The following SGCZ variants were observed in gnomAD, a reference collection of about 807,000 sequenced individuals.
SGCZ encodes zeta-sarcoglycan.
A neutral mutation model predicts 41.3 loss-of-function variants in SGCZ; 40 were observed. The observed-to-expected ratio is 0.97, with a 90% CI of 0.75 to 1.26. The LOEUF is 1.26. SGCZ is among the 50% of genes most tolerant of loss of function. The pLI is 0.00. For synonymous variants in SGCZ, 206 were observed against 137.5 expected, an observed-to-expected ratio of 1.50 and a Z score of -3.49; for missense variants, 552 against 369.8, an observed-to-expected ratio of 1.49 and a Z score of -4.04.
intron 1 of SGCZ, among the ~76,000 whole-genome samples, chr8:14,909,740 T>C (rs1799229165): frequency 6.6e-6 from 1 of 152,142 alleles, no homozygotes; most frequent in African/African-American, 2.4e-5. Context: ...GAGATGTTTA[T>C]TCAGCTATTT....
intron 3 of SGCZ, chr8:14,319,546 A>G (rs1248862947): frequency 6.6e-6 from 1 of 152,024 alleles, no homozygotes; most frequent in South Asian, 2.1e-4. Context: ...AATCAAAACT[A>G]GCAAACAAAA....
intron 1 of SGCZ, among the ~76,000 whole-genome samples, chr8:15,110,962 T>G (rs1481494068): frequency 6.6e-6 from 1 of 151,972 alleles, no homozygotes; most frequent in Non-Finnish European, 1.5e-5. Flanking sequence ...AAAGTGAAAC[T>G]CCATCTCAAA....
At chr8:15,169,212 G>A (rs895569296) in intron 1 of SGCZ, among the ~76,000 whole-genome samples, 11 of 152,218 alleles carry the variant, frequency 7.2e-5, no homozygotes, top group Admixed American at 2.6e-4. Flanking sequence ...ATTGGTCTTC[G>A]CCCTTATCCC....
At chr8:15,206,427 G>A (rs548219784) in intron 1 of SGCZ, among the ~76,000 whole-genome samples, 1 of 148,476 alleles carries the variant, frequency 6.7e-6, no homozygotes, top group African/African-American at 2.5e-5. Flanking sequence ...AGATAGGAAG[G>A]TAGGCTGCTT....
intron 1 of SGCZ, among the ~76,000 whole-genome samples, chr8:14,698,635 G>A (rs1303870828): frequency 1.3e-5 from 2 of 151,656 alleles, no homozygotes; most frequent in Admixed American, 6.6e-5. Context: ...TGTGTGGGGG[G>A]GTATAATCAT....
intron 1 of SGCZ, among the ~76,000 whole-genome samples, chr8:15,067,105 T>G (rs1032038264): frequency 9.8e-5 from 15 of 152,288 alleles, no homozygotes; most frequent in African/African-American, 3.6e-4. Context: ...GTGTAAATGT[T>G]TATAATTTTT....
chr8:14,271,205 A>C (rs998687449), intron 3 of SGCZ, among the ~76,000 whole-genome samples: 15 of 152,352 alleles, frequency 9.8e-5, no homozygotes, highest in Non-Finnish European at 2.1e-4. Context: ...AATTAAAAAA[A>C]AAAAGGAAAT....
At chr8:14,690,215 A>C (rs573866915) in intron 1 of SGCZ, among the ~76,000 whole-genome samples, 151 of 151,332 alleles carry the variant, frequency 1.0e-3, no homozygotes, top group Non-Finnish European at 1.5e-3. Flanking sequence ...AAAAAGGGTT[A>C]TGCCTATTAC....
At chr8:14,164,927 T>C (rs1255785427) in intron 4 of SGCZ, 2 of 473,646 alleles carry the variant, frequency 4.2e-6, no homozygotes, top group African/African-American at 4.0e-5. Context: ...CCTCTGGATG[T>C]CTGACATAGC....
At chr8:14,485,833 A>ATTTTTTTTTTTTTTTTTTTTTTTTT (rs71209049) in intron 2 of SGCZ, among the ~76,000 whole-genome samples, 1 of 103,368 alleles carries the variant, frequency 9.7e-6, no homozygotes, top group African/African-American at 3.5e-5. Flanking sequence ...CTCTAGAACA[A>ATTTTTTTTTTTTTTTTTTTTTTTTT]TTTTTTTTTT....
intron 1 of SGCZ, among the ~76,000 whole-genome samples, chr8:14,755,316 T>C (rs1022209328): frequency 2.6e-5 from 4 of 152,172 alleles, no homozygotes; most frequent in African/African-American, 9.7e-5. Context: ...CACATTAAAA[T>C]GCACTTTCTA....
intron 1 of SGCZ, among the ~76,000 whole-genome samples, chr8:14,555,809 A>G (rs1179300439): frequency 1.3e-5 from 2 of 152,082 alleles, no homozygotes; most frequent in Admixed American, 1.3e-4. Flanking sequence ...AACCTATGAA[A>G]GAAAATTCAC....
intron 1 of SGCZ, among the ~76,000 whole-genome samples, chr8:15,044,306 C>T (rs1385328785): frequency 6.6e-6 from 1 of 152,080 alleles, no homozygotes; most frequent in Non-Finnish European, 1.5e-5. Context: ...TCTTTTTCTG[C>T]CCACTTTATC....
chr8:14,177,571 G>A (rs1055168076), intron 4 of SGCZ, among the ~76,000 whole-genome samples: 1 of 151,194 alleles, frequency 6.6e-6, no homozygotes, highest in African/African-American at 2.4e-5. Context: ...GTGCAGTGGC[G>A]CCATCTGGGC....
chr8:14,986,641 A>G (rs146820873), intron 1 of SGCZ, among the ~76,000 whole-genome samples: 1 of 152,070 alleles, frequency 6.6e-6, no homozygotes. Context: ...ACAATATTCA[A>G]TGTTTTAAAA....
chr8:14,259,313 A>C (rs887660926), intron 3 of SGCZ, among the ~76,000 whole-genome samples: 2 of 152,128 alleles, frequency 1.3e-5, no homozygotes, highest in African/African-American at 4.8e-5. Context: ...TCTTTAGTTT[A>C]ATTAGATCCC....
At chr8:14,827,298 G>A (rs576118089) in intron 1 of SGCZ, among the ~76,000 whole-genome samples, 129 of 147,116 alleles carry the variant, frequency 8.8e-4, no homozygotes, top group African/African-American at 1.5e-3. Context: ...GGGCAGTGAC[G>A]CCATCTCAGC....
intron 1 of SGCZ, among the ~76,000 whole-genome samples, chr8:14,657,677 G>T (rs1807620825): frequency 2.0e-5 from 3 of 151,422 alleles, no homozygotes; most frequent in African/African-American, 7.3e-5. Context: ...GAGAAAGATT[G>T]GTTCCAAAAC....
chr8:15,023,031 G>C (rs896944385), intron 1 of SGCZ, among the ~76,000 whole-genome samples: 4 of 152,044 alleles, frequency 2.6e-5, no homozygotes, highest in African/African-American at 9.7e-5. Flanking sequence ...TCATCCTTTT[G>C]TCTGATTAGT....
Sources: gnomAD v4.1 joint callset for allele counts (sites outside exome capture counted in the v4.1 genomes callset) on GRCh38, gnomAD v4.1.1 for gene constraint, MANE v1.5 for transcripts, NCBI Gene and HGNC (gene_info 2026-07-23, HGNC 2026-07-21) for gene names.